Variants in PDK3 observed in about 807,000 individuals in gnomAD.
PDK3 encodes pyruvate dehydrogenase kinase 3, also known as pyruvate dehydrogenase kinase, isozyme 3.
In PDK3, 12 loss-of-function variants were observed where a neutral mutation model predicts 32.0. That is an observed-to-expected ratio of 0.37 (90% CI 0.24 to 0.61). PDK3 has a LOEUF of 0.61. Ranked by LOEUF, PDK3 falls within the 20% of genes least tolerant of loss-of-function variation. The probability of loss-of-function intolerance (pLI) is 0.65; values close to 1 mark genes in which losing one functional copy is unlikely to be tolerated. For missense variants in PDK3, 188 were observed against 316.9 expected (o/e 0.59, Z 3.09); for synonymous variants, 122 against 116.3 (o/e 1.05, Z -0.31).
At chrX:24,504,664 A>C (rs963272554) in intron 4 of PDK3, among the ~76,000 whole-genome samples, 2 of 112,180 alleles carry the variant, frequency 1.8e-5, no homozygotes, top group Non-Finnish European at 3.8e-5. Flanking sequence ...AAAATTTTGC[A>C]AATCTTGTAT....
intron 1 of PDK3, among the ~76,000 whole-genome samples, chrX:24,485,768 G>T (rs887516647): frequency 9.0e-6 from 1 of 111,664 alleles, no homozygotes; most frequent in African/African-American, 3.3e-5. Flanking sequence ...AAGCCCCAGT[G>T]TAATCAGGAA....
chrX:24,503,599 C>A, intron 4 of PDK3, 88 bp downstream of exon 4: 1 of 670,333 alleles, frequency 1.5e-6, no homozygotes, highest in Non-Finnish European at 2.1e-6. Flanking sequence ...TACTGACCTG[C>A]ATTTTTGGTT....
chrX:24,506,841 C>T (rs112905121), intron 5 of PDK3, among the ~76,000 whole-genome samples: 4 of 75,285 alleles, frequency 5.3e-5, no homozygotes, highest in Middle Eastern at 0.015. Context: ...GACAGAGTCT[C>T]GCTCTGTCGC....
At chrX:24,547,664 A>G (rs761440035) in exon 12 of PDK3, 1 of 112,738 alleles carries the variant, frequency 8.9e-6, no homozygotes, top group East Asian at 2.8e-4. Context: ...AGTTCTACTC[A>G]TTTTAGGATT....
intron 5 of PDK3, among the ~76,000 whole-genome samples, chrX:24,510,835 C>T (rs1459481287): frequency 8.9e-6 from 1 of 112,094 alleles, no homozygotes; most frequent in Non-Finnish European, 1.9e-5. Context: ...TTTTTCTACC[C>T]TGGCAAATGG....
intron 3 of PDK3, among the ~76,000 whole-genome samples, chrX:24,502,863 C>G (rs1356682510): frequency 1.8e-5 from 2 of 111,469 alleles, no homozygotes; most frequent in Non-Finnish European, 3.8e-5. Context: ...CAAACAAAAC[C>G]CAAAAAACAG....
chrX:24,539,328 C>T, downstream of PDK3: 2 of 421,155 alleles, frequency 4.7e-6, no homozygotes, highest in East Asian at 3.9e-5. Context: ...AAGAGTTTTT[C>T]CTGTAGCTAC....
intron 1 of PDK3, among the ~76,000 whole-genome samples, chrX:24,471,059 G>T (rs1420046780): frequency 1.0e-4 from 11 of 110,361 alleles, no homozygotes; most frequent in African/African-American, 1.7e-4. Context: ...GTCGGGAGGT[G>T]GGGGGGCTAG....
exon 12 of PDK3, among the ~76,000 whole-genome samples, chrX:24,544,298 C>T (rs966586713): frequency 9.0e-6 from 1 of 111,031 alleles, no homozygotes; most frequent in Admixed American, 9.6e-5. Context: ...TCCCACTAGT[C>T]GTCATCCTAG....
chrX:24,483,319 C>CGTTA (rs1408078511), intron 1 of PDK3, among the ~76,000 whole-genome samples: 4 of 111,900 alleles, frequency 3.6e-5, no homozygotes, highest in Non-Finnish European at 7.5e-5. Flanking sequence ...ACCAATTTAC[C>CGTTA]GTTAGGACTA....
intron 1 of PDK3, 39 bp downstream of exon 1, chrX:24,465,600 G>A: frequency 1.0e-6 from 1 of 984,448 alleles, no homozygotes; most frequent in Non-Finnish European, 1.4e-6. Context: ...GCCCGGGGCC[G>A]CCGCCATTCG....
intron 1 of PDK3, 85 bp from the exon 2 acceptor site, chrX:24,494,657 A>C (rs904493089): frequency 8.2e-6 from 5 of 611,855 alleles, no homozygotes; most frequent in African/African-American, 2.3e-5. Context: ...CTTTCCAACC[A>C]GTAGTAACCG....
intron 1 of PDK3, among the ~76,000 whole-genome samples, chrX:24,493,342 CT>C (rs1430337441): frequency 1.3e-5 from 1 of 76,302 alleles, no homozygotes; most frequent in Non-Finnish European, 2.5e-5. Flanking sequence ...CTGCAGATTA[CT>C]TTCTAGATTA....
chrX:24,469,301 T>C lies in PDK3; in HGVS notation c.106+3740T>C, dbSNP rs188371785. Among the ~76,000 whole-genome samples the C allele has an allele frequency of 8.1e-5, 9 of 111,538 alleles. No homozygotes were observed. In the East Asian group the frequency reaches 2.2e-3, roughly 28 times the overall value. ...TGTGCATTTGTAATTTTGGCGAACA[T>C]TGTCAAATTGCTTTCCATAAAGGTT... On this transcript the variant is annotated intron_variant, in intron 1 of 10. Coordinates refer to ENST00000379162, the MANE Select transcript of PDK3 (RefSeq NM_005391.5).
At chrX:24,483,163 T>C (rs58425891) in intron 1 of PDK3, among the ~76,000 whole-genome samples, 3,552 of 112,208 alleles carry the variant, frequency 0.032, 82 homozygotes, top group South Asian at 0.21. Context: ...TTTCAGCTCT[T>C]TTGTGCTTTG....
At chrX:24,549,035 C>A (rs1377830542) in exon 12 of PDK3, 1 of 111,825 alleles carries the variant, frequency 8.9e-6, no homozygotes, top group Non-Finnish European at 1.9e-5. Context: ...ACAGGAAAAA[C>A]CGACTTATGC....
chrX:24,470,107 A>C (rs1033603878), intron 1 of PDK3, among the ~76,000 whole-genome samples: 4 of 112,125 alleles, frequency 3.6e-5, no homozygotes, highest in African/African-American at 1.3e-4. Context: ...TTGTCTGTAG[A>C]TGTTGTATGT....
chrX:24,469,768 G>A lies in PDK3; in HGVS notation c.106+4207G>A, dbSNP rs774917803. Among the ~76,000 whole-genome samples the A allele has an allele frequency of 1.1e-3, 127 of 111,448 alleles. 1 individual carries two copies. The highest frequency in any genetic ancestry group is 3.8e-3 in the African/African-American group (117 of 30,674). On this transcript the variant is annotated intron_variant, in intron 1 of 10. Transcript: ENST00000379162. ...TTTCTGCCACTGCACTCCAGCCTGG[G>A]GGATGTACATGTATAGGTAAATACA...
chrX:24,486,506 T>C (rs904368257), intron 1 of PDK3, among the ~76,000 whole-genome samples: 1 of 111,862 alleles, frequency 8.9e-6, no homozygotes, highest in Non-Finnish European at 1.9e-5. Context: ...TATCATAATA[T>C]GGACTTTGGA....
Sources: allele counts gnomAD v4.1 joint callset (sites outside exome capture counted in the v4.1 genomes callset), GRCh38; gene constraint gnomAD v4.1.1; transcripts MANE v1.5; gene names NCBI Gene and HGNC (gene_info 2026-07-23, HGNC 2026-07-21).